GPC5: variants seen among roughly 807,000 people sequenced by gnomAD.
The protein encoded by GPC5 is glypican 5, also known as glypican-5.
In GPC5, 47 loss-of-function variants were observed where a neutral mutation model predicts 53.9. The ratio of observed to expected loss-of-function variants is 0.87; its 90% confidence interval spans 0.69 to 1.11. The LOEUF (loss-of-function observed/expected upper bound fraction) is 1.11. GPC5 is among the 50% of genes most tolerant of loss of function. The pLI, the probability that GPC5 is intolerant of heterozygous loss-of-function variation, is 0.00. For missense variants in GPC5, 748 were observed against 713.1 expected (o/e 1.05, Z -0.56); for synonymous variants, 286 against 263.3 (o/e 1.09, Z -0.84).
At chr13:91,919,094 G>A (rs752189733) in intron 6 of GPC5, among the ~76,000 whole-genome samples, 57 of 152,016 alleles carry the variant, frequency 3.7e-4, no homozygotes, top group Admixed American at 1.7e-3. Context: ...CTTTCCACAT[G>A]CTTAAGCCTA....
At chr13:91,948,361 TGAG>T (rs2039994902) in intron 6 of GPC5, among the ~76,000 whole-genome samples, 2 of 152,108 alleles carry the variant, frequency 1.3e-5, no homozygotes, top group South Asian at 4.1e-4. Context: ...AAATTGATAT[TGAG>T]GACGAGCATA....
At chr13:91,555,462 T>TG (rs11398201) in intron 2 of GPC5, among the ~76,000 whole-genome samples, 150,219 of 152,048 alleles carry the variant, frequency 0.99, 74,237 homozygotes, top group East Asian at 1. Context: ...GGATGTTTTC[T>TG]GGGGGCGAGT....
At chr13:92,247,161 G>A (rs2042657676) in intron 7 of GPC5, among the ~76,000 whole-genome samples, 1 of 151,986 alleles carries the variant, frequency 6.6e-6, no homozygotes, top group Non-Finnish European at 1.5e-5. Flanking sequence ...TAATAATTCT[G>A]AAGAAAAGAA....
At chr13:92,041,715 G>A (rs1274250448) in intron 6 of GPC5, among the ~76,000 whole-genome samples, 2 of 152,174 alleles carry the variant, frequency 1.3e-5, no homozygotes, top group Non-Finnish European at 2.9e-5. Flanking sequence ...TATGGTGCTA[G>A]CAAGAGGCCA....
chr13:91,514,078 TG>T (rs1885373783), intron 2 of GPC5, among the ~76,000 whole-genome samples: 1 of 152,254 alleles, frequency 6.6e-6, no homozygotes, highest in African/African-American at 2.4e-5. Flanking sequence ...TTCTGGTTTT[TG>T]GTTATTTTCA....
intron 5 of GPC5, among the ~76,000 whole-genome samples, chr13:91,768,855 A>T (rs1250801702): frequency 2.0e-5 from 3 of 152,198 alleles, no homozygotes. Flanking sequence ...ATGCGTCTCA[A>T]ATTAGAATAC....
chr13:91,487,819 T>A (rs1235833622), intron 2 of GPC5, among the ~76,000 whole-genome samples: 2 of 152,162 alleles, frequency 1.3e-5, no homozygotes, highest in Admixed American at 1.3e-4. Flanking sequence ...CTTGTTTTTA[T>A]CCTCACTGAA....
intron 7 of GPC5, among the ~76,000 whole-genome samples, chr13:92,160,267 A>C (rs2139004897): frequency 6.6e-6 from 1 of 152,322 alleles, no homozygotes; most frequent in East Asian, 1.9e-4. Context: ...TTCCGATATT[A>C]AATTATATCT....
chr13:92,043,928 T>C (rs568081061), intron 6 of GPC5, among the ~76,000 whole-genome samples: 8 of 152,312 alleles, frequency 5.3e-5, no homozygotes, highest in Non-Finnish European at 8.8e-5. Flanking sequence ...ACATATGCAA[T>C]TTGAATCCGA....
chr13:92,422,488 T>TCACACACACA (rs6145177), intron 7 of GPC5, among the ~76,000 whole-genome samples: 25 of 133,390 alleles, frequency 1.9e-4, no homozygotes, highest in South Asian at 7.9e-4. Context: ...CATCACCATC[T>TCACACACACA]CACACACACA....
chr13:92,386,643 C>T (rs745683770), intron 7 of GPC5, among the ~76,000 whole-genome samples: 3 of 151,968 alleles, frequency 2.0e-5, no homozygotes, highest in Non-Finnish European at 4.4e-5. Flanking sequence ...TTGAAGGGTG[C>T]ATTTGTGATG....
At chr13:92,512,249 T>TGTGTGTGTGC (rs3064762) in intron 7 of GPC5, among the ~76,000 whole-genome samples, 4 of 149,486 alleles carry the variant, frequency 2.7e-5, no homozygotes, top group African/African-American at 7.4e-5. Context: ...TGTGTGTGTG[T>TGTGTGTGTGC]GCGCGCGCGC....
intron 7 of GPC5, among the ~76,000 whole-genome samples, chr13:92,307,130 T>C (rs1422084293): frequency 6.6e-6 from 1 of 152,230 alleles, no homozygotes; most frequent in African/African-American, 2.4e-5. Flanking sequence ...CATTTTGAAA[T>C]GTAACTTTTC....
intron 2 of GPC5, among the ~76,000 whole-genome samples, chr13:91,625,490 G>A (rs1594348053): frequency 6.6e-6 from 1 of 152,128 alleles, no homozygotes; most frequent in East Asian, 1.9e-4. Flanking sequence ...ATTATCTCTA[G>A]TCATTTAGTC....
intron 7 of GPC5, among the ~76,000 whole-genome samples, chr13:92,393,648 G>A (rs551227067): frequency 1.3e-5 from 2 of 152,152 alleles, no homozygotes; most frequent in South Asian, 4.1e-4. Flanking sequence ...TACTGTGCAT[G>A]AAAGAAAACA....
intron 6 of GPC5, among the ~76,000 whole-genome samples, chr13:92,036,282 G>A (rs950102481): frequency 6.6e-6 from 1 of 152,072 alleles, no homozygotes; most frequent in African/African-American, 2.4e-5. Flanking sequence ...TCTATAATTG[G>A]ATGCAAAATA....
intron 2 of GPC5, among the ~76,000 whole-genome samples, chr13:91,627,481 T>C (rs1373440228): frequency 6.6e-6 from 1 of 152,068 alleles, no homozygotes; most frequent in Non-Finnish European, 1.5e-5. Flanking sequence ...TTGCTTAAAT[T>C]TTTCTTTTAC....
intron 2 of GPC5, among the ~76,000 whole-genome samples, chr13:91,489,298 C>G (rs1359531474): frequency 6.6e-6 from 1 of 152,144 alleles, no homozygotes; most frequent in Non-Finnish European, 1.5e-5. Flanking sequence ...TGGAGCATGA[C>G]GGAACCTACT....
In GPC5 at chr13:92,866,638, GTCT is replaced by G. The variant is rs1879346312; in HGVS notation, c.*201_*203del. 1 of 386,338 alleles carries G rather than the reference GTCT, an allele frequency of 2.6e-6. No homozygotes were observed. The highest frequency in any genetic ancestry group is 4.5e-6 in the Non-Finnish European group (1 of 220,110). 23.9% of individuals were successfully genotyped at this position (386,338 alleles called of 1,614,324 possible). A position where few individuals can be genotyped will look rare whatever the true frequency, so the allele number is the denominator to read the frequency against. Reference sequence around the variant, plus strand: ...TTTAAATGACACACTTTAAAAATATGTCTTTTTTCAATCTAACTGAAAACCTTC... The same window carrying G: ...TTTAAATGACACACTTTAAAAATATGTTTTTCAATCTAACTGAAAACCTTC... On this transcript the variant is annotated 3_prime_UTR_variant, in exon 8 of 8. Coordinates refer to ENST00000377067, the MANE Select transcript of GPC5 (RefSeq NM_004466.6).
Sources: allele counts gnomAD v4.1 joint callset (sites outside exome capture counted in the v4.1 genomes callset), GRCh38; gene constraint gnomAD v4.1.1; transcripts MANE v1.5; gene names NCBI Gene and HGNC (gene_info 2026-07-23, HGNC 2026-07-21).